The following SPOCK3 variants were observed in gnomAD, a reference collection of about 807,000 sequenced individuals.
The protein encoded by SPOCK3 is SPARC (osteonectin), cwcv and kazal like domains proteoglycan 3.
A neutral mutation model predicts 56.6 loss-of-function variants in SPOCK3; 30 were observed. The ratio of observed to expected loss-of-function variants is 0.53; its 90% CI spans 0.40 to 0.72. The LOEUF (loss-of-function observed/expected upper bound fraction) is 0.72, where lower values mean the gene tolerates loss of function less well. Among genes scored for constraint, SPOCK3 ranks in the 30% least tolerant of loss-of-function variants. The pLI is 0.00. For missense variants in SPOCK3, 527 were observed against 530.0 expected (o/e 0.99, Z 0.06); for synonymous variants, 196 against 183.3 (o/e 1.07, Z -0.56).
At chr4:166,956,086 C>T (rs1248513058) in intron 4 of SPOCK3, among the ~76,000 whole-genome samples, 1 of 152,044 alleles carries the variant, frequency 6.6e-6, no homozygotes, top group Non-Finnish European at 1.5e-5. Context: ...ATCTTTTCCT[C>T]CACCCAAATT....
At chr4:166,982,106 C>T (rs1053952759) in intron 4 of SPOCK3, among the ~76,000 whole-genome samples, 2 of 152,150 alleles carry the variant, frequency 1.3e-5, no homozygotes, top group African/African-American at 4.8e-5. Flanking sequence ...TCCCGCCCTG[C>T]TGAACCAGCA....
chr4:166,821,669 G>T (rs751523565), intron 6 of SPOCK3, among the ~76,000 whole-genome samples: 4 of 152,010 alleles, frequency 2.6e-5, no homozygotes, highest in Non-Finnish European at 4.4e-5. Flanking sequence ...ACACTAAGAA[G>T]AATCCAGACA....
chr4:166,899,327 G>A (rs1287107004), intron 5 of SPOCK3, among the ~76,000 whole-genome samples: 3 of 148,602 alleles, frequency 2.0e-5, no homozygotes, highest in Admixed American at 6.7e-5. Flanking sequence ...TAATTCTCTG[G>A]ATAACTTTAA....
intron 2 of SPOCK3, among the ~76,000 whole-genome samples, chr4:167,177,012 T>G (rs1326076271): frequency 2.6e-5 from 4 of 152,120 alleles, no homozygotes. Context: ...TTTTTCAAGA[T>G]AGCCCCAATT....
chr4:166,991,165 A>G (rs1271418681), intron 4 of SPOCK3, among the ~76,000 whole-genome samples: 1 of 151,940 alleles, frequency 6.6e-6, no homozygotes, highest in Non-Finnish European at 1.5e-5. Context: ...TGTTATCAGT[A>G]TAGTCAATTT....
chr4:167,032,482 A>G (rs966349553), intron 3 of SPOCK3, among the ~76,000 whole-genome samples: 1 of 151,936 alleles, frequency 6.6e-6, no homozygotes, highest in African/African-American at 2.4e-5. Flanking sequence ...ATAGTGTCAA[A>G]TTTTGGTTTC....
chr4:167,015,237 C>T (rs1030000955), intron 3 of SPOCK3, among the ~76,000 whole-genome samples: 5 of 152,048 alleles, frequency 3.3e-5, no homozygotes, highest in African/African-American at 9.7e-5. Flanking sequence ...AAACTTCATT[C>T]AAATACTGTT....
intron 4 of SPOCK3, among the ~76,000 whole-genome samples, chr4:166,946,426 G>T (rs557815383): frequency 6.6e-6 from 1 of 152,128 alleles, no homozygotes; most frequent in East Asian, 1.9e-4. Flanking sequence ...GCTCCTGCGC[G>T]TTGGCCTTCT....
At chr4:167,202,276 G>A (rs370600867) in intron 2 of SPOCK3, among the ~76,000 whole-genome samples, 13 of 151,922 alleles carry the variant, frequency 8.6e-5, no homozygotes, top group African/African-American at 2.9e-4. Flanking sequence ...AGCAGCAACT[G>A]CAATCTATTA....
intron 3 of SPOCK3, among the ~76,000 whole-genome samples, chr4:167,023,680 C>G (rs117582664): frequency 1.3e-5 from 2 of 151,870 alleles, no homozygotes; most frequent in Non-Finnish European, 2.9e-5. Flanking sequence ...TTGTAATGCT[C>G]CAGGCATGGT....
chr4:166,818,110 C>T (rs1396599452), intron 6 of SPOCK3, among the ~76,000 whole-genome samples: 3 of 152,146 alleles, frequency 2.0e-5, no homozygotes, highest in Middle Eastern at 3.4e-3. Context: ...AATGCTCTCA[C>T]AGATGAGTGA....
chr4:167,130,472 C>T (rs1762616494), intron 2 of SPOCK3, among the ~76,000 whole-genome samples: 2 of 151,734 alleles, frequency 1.3e-5, no homozygotes, highest in South Asian at 2.1e-4. Flanking sequence ...AGATATAATG[C>T]CTAAAAATTT....
At chr4:166,891,839 A>T (rs1231428985) in intron 5 of SPOCK3, among the ~76,000 whole-genome samples, 2 of 152,044 alleles carry the variant, frequency 1.3e-5, no homozygotes, top group Non-Finnish European at 2.9e-5. Context: ...TGTGAGTGGT[A>T]TAGGAGCAGA....
chr4:167,197,011 T>G (rs1733021066), intron 2 of SPOCK3, among the ~76,000 whole-genome samples: 1 of 152,150 alleles, frequency 6.6e-6, no homozygotes, highest in Non-Finnish European at 1.5e-5. Flanking sequence ...GGTTTATTGT[T>G]GAGAAGCATA....
chr4:167,193,088 G>A (rs952242092), intron 2 of SPOCK3, among the ~76,000 whole-genome samples: 3 of 145,926 alleles, frequency 2.1e-5, no homozygotes, highest in African/African-American at 5.2e-5. Context: ...TGAAGTCTTC[G>A]TTATGTGTCT....
intron 4 of SPOCK3, among the ~76,000 whole-genome samples, chr4:166,924,199 A>G (rs1274597926): frequency 6.6e-6 from 1 of 152,206 alleles, no homozygotes. Context: ...ATGCCATAAT[A>G]TAAAGGAACA....
chr4:166,819,396 C>T (rs531398621), intron 6 of SPOCK3, among the ~76,000 whole-genome samples: 72 of 152,048 alleles, frequency 4.7e-4, no homozygotes, highest in African/African-American at 9.2e-4. Flanking sequence ...AGGAAATAAA[C>T]GTAAGGTATC....
intron 5 of SPOCK3, among the ~76,000 whole-genome samples, chr4:166,891,908 G>A (rs1466245136): frequency 2.6e-5 from 4 of 151,910 alleles, no homozygotes; most frequent in African/African-American, 9.7e-5. Context: ...TTGAATATAT[G>A]TTTATCTCCC....
At chr4:166,745,378 C>T (rs777479933) in intron 8 of SPOCK3, among the ~76,000 whole-genome samples, 1 of 152,128 alleles carries the variant, frequency 6.6e-6, no homozygotes, top group Non-Finnish European at 1.5e-5. Context: ...ATTTCATATC[C>T]AGCCAAACTA....
Sources: gnomAD v4.1 joint callset for allele counts (sites outside exome capture counted in the v4.1 genomes callset) on GRCh38, gnomAD v4.1.1 for gene constraint, MANE v1.5 for transcripts, NCBI Gene and HGNC (gene_info 2026-07-23, HGNC 2026-07-21) for gene names.